The following GRIN2A variants were observed in gnomAD, a reference collection of about 807,000 sequenced individuals.
GRIN2A encodes glutamate receptor ionotropic, NMDA 2A.
Under a neutral mutation model 113.4 loss-of-function variants are expected in GRIN2A, and 22 were observed. That is an observed-to-expected ratio of 0.19 (90% CI 0.14 to 0.28). The LOEUF (loss-of-function observed/expected upper bound fraction) is 0.28, where lower values mean the gene tolerates loss of function less well. Among genes scored for constraint, GRIN2A ranks in the 10% least tolerant of loss-of-function variants. The pLI is 1.00. For missense variants in GRIN2A, 1,502 were observed against 1,887.0 expected (o/e 0.80, Z 3.78); for synonymous variants, 827 against 738.4 (o/e 1.12, Z -1.94).
intron 4 of GRIN2A, among the ~76,000 whole-genome samples, chr16:9,889,126 A>G (rs932753611): frequency 2.6e-5 from 4 of 152,150 alleles, no homozygotes; most frequent in Non-Finnish European, 5.9e-5. Flanking sequence ...GTTTTTAGGT[A>G]TATTTTCAGT....
intron 11 of GRIN2A, among the ~76,000 whole-genome samples, chr16:9,772,921 TCA>T (rs1567285788): frequency 5.4e-5 from 1 of 18,420 alleles, no homozygotes; most frequent in Non-Finnish European, 1.3e-4. Context: ...GACTTCAATT[TCA>T]AAAAAAAAAA....
rs2141131675 is a variant in GRIN2A, at chr16:9,764,051, G to A, written c.3493C>T (p.Leu1165=). The change falls in exon 13 of 13, where the codon CTG becomes TTG. Residue 1165 remains leucine (L), a synonymous_variant. Transcript: ENST00000330684. ...SENFRKGDST[L]PMNRNPLHNE... is the part of the protein sequence containing the mutation. ...TGCAAGGGGTTCCGGTTCATTGGCA[G>A]CGTGGAGTCCCCCTTGCGGAAGTTT... The A allele has an allele frequency of 2.5e-6, 4 of 1,613,888 alleles. No homozygotes were observed. The highest frequency in any genetic ancestry group is 3.4e-6 in the Non-Finnish European group (4 of 1,179,808).
chr16:9,943,626 A>G (rs2044944555), intron 2 of GRIN2A, among the ~76,000 whole-genome samples: 1 of 152,206 alleles, frequency 6.6e-6, no homozygotes, highest in African/African-American at 2.4e-5. Flanking sequence ...CGCAAGTGGC[A>G]TAACACTCAT....
At chr16:10,016,612 C>G (rs996226463) in intron 2 of GRIN2A, among the ~76,000 whole-genome samples, 8 of 152,126 alleles carry the variant, frequency 5.3e-5, no homozygotes, top group African/African-American at 1.9e-4. Flanking sequence ...TAGTAATTGT[C>G]CATAGGATAA....
At chr16:9,833,245 G>T (rs901641727) in intron 8 of GRIN2A, among the ~76,000 whole-genome samples, 6 of 152,166 alleles carry the variant, frequency 3.9e-5, no homozygotes, top group Admixed American at 1.3e-4. Context: ...TCTACTGATT[G>T]TCCCTTTATC....
chr16:10,130,536 T>C (rs1250552404), intron 2 of GRIN2A, among the ~76,000 whole-genome samples: 1 of 152,182 alleles, frequency 6.6e-6, no homozygotes. Context: ...TTCCAAGCCA[T>C]CCTATTCACT....
chr16:10,012,613 G>T (rs1003751886), intron 2 of GRIN2A, among the ~76,000 whole-genome samples: 1 of 152,180 alleles, frequency 6.6e-6, no homozygotes, highest in South Asian at 2.1e-4. Flanking sequence ...ACCTTACATG[G>T]CAAAAGGGAC....
intron 2 of GRIN2A, among the ~76,000 whole-genome samples, chr16:9,970,078 G>A (rs535865071): frequency 2.0e-5 from 3 of 152,174 alleles, no homozygotes; most frequent in South Asian, 2.1e-4. Context: ...AAGAAATCTC[G>A]AGTTCTTGTT....
chr16:10,175,497 G>T (rs1380590865), intron 2 of GRIN2A, among the ~76,000 whole-genome samples: 1 of 152,208 alleles, frequency 6.6e-6, no homozygotes, highest in Non-Finnish European at 1.5e-5. Flanking sequence ...ATGGTGATAG[G>T]ATTTGGAGAG....
chr16:9,834,737 G>A (rs184925199), intron 7 of GRIN2A, among the ~76,000 whole-genome samples: 2 of 152,248 alleles, frequency 1.3e-5, no homozygotes, highest in Admixed American at 1.3e-4. Context: ...CAAAATATTT[G>A]AAGTATAAGA....
chr16:10,105,445 A>G lies in GRIN2A; in HGVS notation c.414+74553T>C, dbSNP rs187266291. 2.3e-3 allele frequency among the ~76,000 whole-genome samples: 355 copies of G among 152,156 alleles called. 1 individual carries two copies. The highest frequency in any genetic ancestry group is 8.0e-3 in the African/African-American group (333 of 41,514). On this transcript the variant is annotated intron_variant, in intron 2 of 12. Transcript: ENST00000330684. ...CTGGGCAGTAGAATCAGCTGACCCA[A>G]TGTTTAATAGAGAAACTACAAATTT...
At chr16:10,140,885 A>C (rs561022269) in intron 2 of GRIN2A, among the ~76,000 whole-genome samples, 58 of 152,296 alleles carry the variant, frequency 3.8e-4, no homozygotes, top group African/African-American at 7.9e-4. Context: ...TGGGGTGGGG[A>C]GACATTCCCT....
intron 11 of GRIN2A, among the ~76,000 whole-genome samples, chr16:9,775,392 T>A (rs984002550): frequency 6.6e-6 from 1 of 152,190 alleles, no homozygotes; most frequent in Admixed American, 6.5e-5. Flanking sequence ...CATTCACTCA[T>A]TGAAAAGAGA....
At chr16:10,124,348 C>T (rs1292143824) in intron 2 of GRIN2A, among the ~76,000 whole-genome samples, 1 of 152,136 alleles carries the variant, frequency 6.6e-6, no homozygotes, top group Admixed American at 6.5e-5. Flanking sequence ...ATCATGTATG[C>T]AAAGTGCCTG....
At chr16:10,006,177 A>C (rs2039586860) in intron 2 of GRIN2A, among the ~76,000 whole-genome samples, 1 of 152,254 alleles carries the variant, frequency 6.6e-6, no homozygotes, top group South Asian at 2.1e-4. Flanking sequence ...CAGTCGTAGA[A>C]GTCACCAACT....
chr16:9,775,806 C>A (rs1901563256), intron 11 of GRIN2A, among the ~76,000 whole-genome samples: 2 of 152,214 alleles, frequency 1.3e-5, no homozygotes, highest in Admixed American at 6.5e-5. Context: ...TTTCTCCAGT[C>A]ATGGCCCCCT....
chr16:9,993,098 T>C (rs2046154708), intron 2 of GRIN2A, among the ~76,000 whole-genome samples: 2 of 151,016 alleles, frequency 1.3e-5, no homozygotes, highest in Non-Finnish European at 2.9e-5. Context: ...GGTATGGTGG[T>C]GCACGTCTGT....
intron 2 of GRIN2A, among the ~76,000 whole-genome samples, chr16:10,133,413 G>C (rs957423839): frequency 9.9e-5 from 15 of 152,162 alleles, no homozygotes; most frequent in African/African-American, 3.6e-4. Context: ...TTCGAGACCA[G>C]CCTGGCCAAC....
intron 5 of GRIN2A, among the ~76,000 whole-genome samples, chr16:9,842,270 G>C (rs1345967500): frequency 6.6e-6 from 1 of 151,638 alleles, no homozygotes; most frequent in Non-Finnish European, 1.5e-5. Context: ...AAAGAAAAAA[G>C]AAAAGAAAGA....
Sources: gnomAD v4.1 joint callset for allele counts (sites outside exome capture counted in the v4.1 genomes callset) on GRCh38, gnomAD v4.1.1 for gene constraint, MANE v1.5 for transcripts, NCBI Gene and HGNC (gene_info 2026-07-23, HGNC 2026-07-21) for gene names.